Variants in GALNT13 observed in about 807,000 individuals in gnomAD.
The protein encoded by GALNT13 is polypeptide N-acetylgalactosaminyltransferase 13, also known as UDP-GalNAc:polypeptide N-acetylgalactosaminyltransferase 13.
GALNT13 carries 28 observed loss-of-function variants against 64.2 expected under a neutral mutation model. The ratio of observed to expected loss-of-function variants is 0.44; its 90% CI spans 0.32 to 0.60. The LOEUF is 0.60. Ranked by LOEUF, GALNT13 falls within the 20% of genes least tolerant of loss-of-function variation. The probability of loss-of-function intolerance (pLI) is 0.05; values close to 1 mark genes in which losing one functional copy is unlikely to be tolerated. For synonymous variants in GALNT13, 214 were observed against 224.6 expected, an observed-to-expected ratio of 0.95 and a Z score of 0.42; for missense variants, 577 against 669.8, an observed-to-expected ratio of 0.86 and a Z score of 1.53.
the GALNT13 span, among the ~76,000 whole-genome samples, chr2:153,196,582 C>G: frequency 1.3e-5 from 2 of 152,076 alleles, no homozygotes; most frequent in Admixed American, 1.3e-4. Context: ...AGTCCTGCAC[C>G]TGGGAGGCTG....
At chr2:154,321,424 C>G (rs1410453943) in intron 9 of GALNT13, among the ~76,000 whole-genome samples, 1 of 152,010 alleles carries the variant, frequency 6.6e-6, no homozygotes, top group Non-Finnish European at 1.5e-5. Context: ...TGAATATAAC[C>G]AATAACTGCT....
chr2:154,009,186 A>G (rs1449089501), intron 3 of GALNT13, among the ~76,000 whole-genome samples: 1 of 145,366 alleles, frequency 6.9e-6, no homozygotes, highest in Non-Finnish European at 1.5e-5. Context: ...TTTCTTTTCA[A>G]TTTGTAAAGA....
the GALNT13 span, among the ~76,000 whole-genome samples, chr2:153,351,711 TA>T: frequency 2.6e-5 from 4 of 152,216 alleles, no homozygotes; most frequent in Non-Finnish European, 5.9e-5. Flanking sequence ...GATCACACAG[TA>T]TGTAGCGTTT....
intron 4 of GALNT13, among the ~76,000 whole-genome samples, chr2:154,190,839 A>G (rs998731424): frequency 3.9e-5 from 6 of 152,220 alleles, no homozygotes; most frequent in African/African-American, 1.4e-4. Context: ...TTTATTTTTA[A>G]TTTATCCAAT....
intron 12 of GALNT13, among the ~76,000 whole-genome samples, chr2:154,449,735 A>G (rs1008383006): frequency 6.6e-6 from 1 of 152,022 alleles, no homozygotes; most frequent in Admixed American, 6.6e-5. Flanking sequence ...ACTGGTTAAC[A>G]TACAATTATT....
intron 3 of GALNT13, among the ~76,000 whole-genome samples, chr2:153,994,188 T>C (rs531033304): frequency 1.3e-5 from 2 of 152,290 alleles, no homozygotes; most frequent in African/African-American, 4.8e-5. Context: ...GTCCTTGCGA[T>C]AGTTTGCTGA....
the GALNT13 span, among the ~76,000 whole-genome samples, chr2:153,101,528 A>T: frequency 2.0e-5 from 3 of 152,134 alleles, no homozygotes; most frequent in Non-Finnish European, 4.4e-5. Flanking sequence ...CTTATTTGCC[A>T]TTATCTGAAA....
At chr2:154,053,823 A>G (rs1374646619) in intron 3 of GALNT13, among the ~76,000 whole-genome samples, 3 of 152,158 alleles carry the variant, frequency 2.0e-5, no homozygotes, top group Non-Finnish European at 4.4e-5. Context: ...AGGTGAGTCA[A>G]TCTTCTTAAT....
At chr2:154,235,801 C>A (rs1485491303) in intron 4 of GALNT13, among the ~76,000 whole-genome samples, 1 of 152,012 alleles carries the variant, frequency 6.6e-6, no homozygotes, top group East Asian at 1.9e-4. Context: ...ATTTTTATTT[C>A]TCTGATGTGG....
At chr2:153,808,367 A>G in the GALNT13 span, among the ~76,000 whole-genome samples, 2 of 151,810 alleles carry the variant, frequency 1.3e-5, no homozygotes, top group Admixed American at 1.3e-4. Flanking sequence ...TGTCTTTCTT[A>G]TTTCTCATTA....
intron 3 of GALNT13, among the ~76,000 whole-genome samples, chr2:154,043,414 TTATATATATATATA>T (rs1179722579): frequency 2.6e-5 from 2 of 78,260 alleles, no homozygotes; most frequent in Admixed American, 1.4e-4. Context: ...ATAAGGACTT[TTATATATATATATA>T]TATATATATA....
the GALNT13 span, among the ~76,000 whole-genome samples, chr2:153,179,894 G>T: frequency 1.3e-5 from 2 of 151,958 alleles, no homozygotes; most frequent in Non-Finnish European, 2.9e-5. Flanking sequence ...ATCCCATAAG[G>T]TTACTGTATC....
the GALNT13 span, among the ~76,000 whole-genome samples, chr2:153,763,666 C>G: frequency 6.6e-6 from 1 of 152,004 alleles, no homozygotes; most frequent in East Asian, 1.9e-4. Context: ...TTATTAGCAG[C>G]GTGAGAACAG....
At chr2:154,198,554 T>A (rs557693557) in intron 4 of GALNT13, among the ~76,000 whole-genome samples, 1 of 152,024 alleles carries the variant, frequency 6.6e-6, no homozygotes, top group East Asian at 1.9e-4. Context: ...AAAATTTGGG[T>A]GGACAAGGCA....
intron 9 of GALNT13, among the ~76,000 whole-genome samples, chr2:154,377,035 C>T (rs1020148277): frequency 5.9e-5 from 9 of 152,212 alleles, no homozygotes; most frequent in African/African-American, 1.9e-4. Flanking sequence ...ATGTTAGGAT[C>T]TACCTAGTTC....
the GALNT13 span, among the ~76,000 whole-genome samples, chr2:153,194,783 C>CTTTGCT: frequency 6.8e-6 from 1 of 147,402 alleles, no homozygotes; most frequent in Non-Finnish European, 1.5e-5. Context: ...TGTAGGGGAG[C>CTTTGCT]TTTGCTTTGA....
At chr2:153,904,930 A>T (rs1688455428) in intron 2 of GALNT13, among the ~76,000 whole-genome samples, 1 of 151,980 alleles carries the variant, frequency 6.6e-6, no homozygotes, top group East Asian at 1.9e-4. Context: ...CTGTTCTTTA[A>T]TGTCATATTT....
chr2:153,084,890 T>C, the GALNT13 span, among the ~76,000 whole-genome samples: 1 of 152,134 alleles, frequency 6.6e-6, no homozygotes, highest in Non-Finnish European at 1.5e-5. Flanking sequence ...GGAAGTAACT[T>C]TGGAACTAGG....
chr2:154,280,626 T>C (rs2105938868), intron 8 of GALNT13, among the ~76,000 whole-genome samples: 1 of 152,294 alleles, frequency 6.6e-6, no homozygotes, highest in Admixed American at 6.5e-5. Context: ...TCTTTTCCAC[T>C]CAAGTTCTTT....
Sources: allele counts gnomAD v4.1 joint callset (sites outside exome capture counted in the v4.1 genomes callset), GRCh38; gene constraint gnomAD v4.1.1; transcripts MANE v1.5; gene names NCBI Gene and HGNC (gene_info 2026-07-23, HGNC 2026-07-21).